MTM1: variants seen among roughly 807,000 people sequenced by gnomAD.
MTM1 encodes the protein myotubularin 1.
Under a neutral mutation model 52.1 loss-of-function variants are expected in MTM1, and 9 were observed. That is an observed-to-expected ratio of 0.17 (90% CI 0.10 to 0.30). The LOEUF (loss-of-function observed/expected upper bound fraction) is 0.30, where lower values mean the gene tolerates loss of function less well. MTM1 is among the 10% of genes least tolerant of loss of function. The pLI is 1.00. For synonymous variants in MTM1, 136 were observed against 163.8 expected, an observed-to-expected ratio of 0.83 and a Z score of 1.29; for missense variants, 277 against 470.7, an observed-to-expected ratio of 0.59 and a Z score of 3.81.
chrX:150,602,920 C>G (rs1198222318), intron 4 of MTM1, among the ~76,000 whole-genome samples: 1 of 111,823 alleles, frequency 8.9e-6, no homozygotes. Flanking sequence ...CCTGCATAAC[C>G]TCATAGGATA....
upstream of MTM1, among the ~76,000 whole-genome samples, chrX:150,563,462 G>A (rs2038225694): frequency 9.4e-6 from 1 of 106,293 alleles, no homozygotes; most frequent in Non-Finnish European, 1.9e-5. Flanking sequence ...CTACAGGCAC[G>A]TGCCACCACA....
chrX:150,586,456 G>T (rs147684970), intron 1 of MTM1, among the ~76,000 whole-genome samples: 218 of 111,476 alleles, frequency 2.0e-3, no homozygotes, highest in Non-Finnish European at 2.9e-3. Flanking sequence ...ATGGAAGGAG[G>T]CATATTTGAA....
intron 5 of MTM1, among the ~76,000 whole-genome samples, chrX:150,617,079 T>C (rs1202816282): frequency 2.7e-5 from 3 of 112,869 alleles, no homozygotes; most frequent in African/African-American, 9.6e-5. Flanking sequence ...ATTTGCCTTT[T>C]CTACTTCAGT....
chrX:150,613,647 AC>A (rs2039331288), intron 4 of MTM1, among the ~76,000 whole-genome samples: 1 of 111,898 alleles, frequency 8.9e-6, no homozygotes, highest in South Asian at 3.7e-4. Context: ...GCTTTGAAAA[AC>A]TTAGGAAATG....
At chrX:150,668,297 T>A (rs973928658) in intron 14 of MTM1, among the ~76,000 whole-genome samples, 1 of 112,338 alleles carries the variant, frequency 8.9e-6, no homozygotes, top group Non-Finnish European at 1.9e-5. Flanking sequence ...TTGTGTTAAA[T>A]TTTTTAGGGC....
At chrX:150,610,903 A>G (rs1557412970) in intron 4 of MTM1, among the ~76,000 whole-genome samples, 1 of 112,105 alleles carries the variant, frequency 8.9e-6, no homozygotes, top group Non-Finnish European at 1.9e-5. Flanking sequence ...TTTAGTGTCT[A>G]TTCTGTGTAT....
chrX:150,572,282 A>G (rs1330858962), intron 1 of MTM1, among the ~76,000 whole-genome samples: 2 of 111,913 alleles, frequency 1.8e-5, no homozygotes, highest in African/African-American at 6.5e-5. Context: ...AGTTCGTCAG[A>G]GAATCAAATG....
intron 1 of MTM1, among the ~76,000 whole-genome samples, chrX:150,577,144 A>G (rs1223497834): frequency 1.8e-5 from 2 of 112,074 alleles, no homozygotes; most frequent in Non-Finnish European, 3.8e-5. Flanking sequence ...ATGTATCAGC[A>G]GTTCCTGACT....
intron 9 of MTM1, among the ~76,000 whole-genome samples, 178 bp downstream of exon 9, chrX:150,646,049 A>G (rs1557413967): frequency 8.9e-6 from 1 of 112,367 alleles, no homozygotes. Flanking sequence ...GAATATATCA[A>G]AATCAAATGC....
At chrX:150,625,581 A>G (rs1424666029) in intron 6 of MTM1, among the ~76,000 whole-genome samples, 1 of 112,128 alleles carries the variant, frequency 8.9e-6, no homozygotes, top group Non-Finnish European at 1.9e-5. Context: ...AGTGATATGT[A>G]TGAAAAGAAT....
At chrX:150,572,504 T>C (rs1476666779) in intron 1 of MTM1, among the ~76,000 whole-genome samples, 1 of 111,932 alleles carries the variant, frequency 8.9e-6, no homozygotes, top group African/African-American at 3.3e-5. Flanking sequence ...GCCTCTTTCA[T>C]AGGGGCCTGA....
chrX:150,592,508 C>T (rs781960804), intron 1 of MTM1, 97 bp from the exon 2 acceptor site: 93 of 623,945 alleles, frequency 1.5e-4, no homozygotes, highest in Non-Finnish European at 2.2e-4. Flanking sequence ...AAAGTAGTAC[C>T]GTTTGCTCTC....
At chrX:150,641,518 C>CA (rs1273888687) in intron 8 of MTM1, 100 bp downstream of exon 8, 2 of 991,565 alleles carry the variant, frequency 2.0e-6, no homozygotes, top group African/African-American at 3.8e-5. Flanking sequence ...AATTCTATCC[C>CA]AAAAAATACT....
chrX:150,670,398 T>G (rs1250818111), intron 14 of MTM1, among the ~76,000 whole-genome samples: 1 of 111,666 alleles, frequency 9.0e-6, no homozygotes, highest in Non-Finnish European at 1.9e-5. Flanking sequence ...ATTTTACAGA[T>G]AGGGAAATGG....
At position 150,638,961 on chromosome X, in the gene MTM1, A is replaced by T. The variant is rs2039801707; in HGVS notation, c.463A>T (p.Asn155Tyr). ...AHSLPLFAFL[N>Y]EEKFNVDGWT... ...TTTCTAGCCATTATTTGCATTTTTAAATGAAGAAAAGTTTAACGTGGATGG... is the reference window on the plus strand; with the variant it reads ...TTTCTAGCCATTATTTGCATTTTTATATGAAGAAAAGTTTAACGTGGATGG... The change falls in exon 7 of 15, where the codon AAT becomes TAT. Residue 155 changes from asparagine to tyrosine, a missense_variant. Asn to Tyr is a moderately radical substitution (Grantham distance 143). This residue lies in a region of MTM1 where 164 missense variants were observed against 283.3 expected (regional missense o/e 0.58). Coordinates refer to ENST00000370396, the MANE Select transcript of MTM1 (RefSeq NM_000252.3). 8.3e-7 allele frequency: 1 copy of T among 1,207,023 alleles called. No homozygotes were observed. Among genetic ancestry groups the T allele is most frequent in the Non-Finnish European group, 1.1e-6 (1 of 891,326 alleles).
intron 6 of MTM1, among the ~76,000 whole-genome samples, chrX:150,621,118 CAAAAAAAAA>C (rs149399125): frequency 2.3e-5 from 1 of 44,215 alleles, no homozygotes; most frequent in African/African-American, 9.0e-5. Context: ...AGCTCCATCT[CAAAAAAAAA>C]AAAAAAAAAA....
intron 6 of MTM1, among the ~76,000 whole-genome samples, chrX:150,632,977 G>T (rs1557413615): frequency 9.0e-6 from 1 of 111,035 alleles, no homozygotes. Context: ...GGTACTCCTG[G>T]ATCACATCCA....
At chrX:150,607,347 C>T (rs1234654203) in intron 4 of MTM1, among the ~76,000 whole-genome samples, 1 of 111,255 alleles carries the variant, frequency 9.0e-6, no homozygotes, top group Non-Finnish European at 1.9e-5. Context: ...CTGATACTAT[C>T]ATCCTCTTTC....
intron 6 of MTM1, 68 bp downstream of exon 6, chrX:150,619,207 A>G (rs924577758): frequency 1.2e-5 from 9 of 743,359 alleles, no homozygotes; most frequent in Non-Finnish European, 1.9e-5. Flanking sequence ...CTGCCTGCAA[A>G]CTGGGATCCT....
Sources: allele counts gnomAD v4.1 joint callset (sites outside exome capture counted in the v4.1 genomes callset), GRCh38; gene constraint gnomAD v4.1.1; regional missense constraint gnomAD v4.1.1; transcripts MANE v1.5; gene names NCBI Gene and HGNC (gene_info 2026-07-23, HGNC 2026-07-21).